TEF: variants seen among roughly 807,000 people sequenced by gnomAD.
The protein encoded by TEF is TEF transcription factor, PAR bZIP family member, also known as thyrotroph embryonic factor.
TEF carries 3 observed loss-of-function variants against 20.8 expected under a neutral mutation model. The ratio of observed to expected loss-of-function variants is 0.14; its 90% CI spans 0.07 to 0.37. The LOEUF is 0.37. Ranked by LOEUF, TEF falls within the 10% of genes least tolerant of loss-of-function variation. The probability of loss-of-function intolerance (pLI) is 1.00; values close to 1 mark genes in which losing one functional copy is unlikely to be tolerated. For missense variants in TEF, 296 were observed against 397.9 expected, an observed-to-expected ratio of 0.74 and a Z score of 2.18; for synonymous variants, 180 against 171.1, an observed-to-expected ratio of 1.05 and a Z score of -0.41.
intron 2 of TEF, among the ~76,000 whole-genome samples, 162 bp from the exon 3 acceptor site, chr22:41,393,934 G>A (rs767242700): frequency 3.3e-5 from 5 of 152,110 alleles, no homozygotes; most frequent in Admixed American, 3.3e-4. Flanking sequence ...GAATTGAACC[G>A]TGTGCCAGTC....
chr22:41,379,060 G>T (rs1020974257), upstream of TEF, among the ~76,000 whole-genome samples: 1 of 152,214 alleles, frequency 6.6e-6, no homozygotes, highest in Non-Finnish European at 1.5e-5. Context: ...CGTAAGGTAG[G>T]CCAGGCGCGG....
At chr22:41,382,249 A>T (rs1257652729) in intron 1 of TEF, 48 bp downstream of exon 1, 72 of 132,184 alleles carry the variant, frequency 5.4e-4, no homozygotes, top group South Asian at 6.7e-4. Flanking sequence ...GGGCTTATAC[A>T]GGGGCGGGGC....
chr22:41,392,365 T>C (rs1195048904), intron 2 of TEF, among the ~76,000 whole-genome samples: 1 of 152,118 alleles, frequency 6.6e-6, no homozygotes, highest in Non-Finnish European at 1.5e-5. Context: ...TTTCTTCATC[T>C]GTAAACTAGT....
At chr22:41,372,073 C>T (rs775162781) in intron 1 of TEF, among the ~76,000 whole-genome samples, 31 of 152,114 alleles carry the variant, frequency 2.0e-4, no homozygotes, top group Non-Finnish European at 4.3e-4. Flanking sequence ...CTTTCAGGGA[C>T]GAGGATGGGG....
At chr22:41,378,810 T>G (rs1411928882), upstream of TEF, among the ~76,000 whole-genome samples, 1 of 152,156 alleles carries the variant, frequency 6.6e-6, no homozygotes, top group African/African-American at 2.4e-5. Context: ...ATGTCCTTTG[T>G]CTAGGTTAGC....
At chr22:41,390,699 G>T (rs550960997) in intron 2 of TEF, among the ~76,000 whole-genome samples, 66 of 151,712 alleles carry the variant, frequency 4.4e-4, no homozygotes, top group African/African-American at 1.5e-3. Flanking sequence ...GGGTTTCACC[G>T]TGTTGGCCAG....
intron 2 of TEF, among the ~76,000 whole-genome samples, chr22:41,390,495 CTTTTTTTTTTTTT>C (rs11358311): frequency 8.7e-5 from 7 of 80,362 alleles, no homozygotes; most frequent in South Asian, 1.1e-3. Context: ...TCATTGTCAT[CTTTTTTTTTTTTT>C]TTTTTTTTTT....
intron 3 of TEF, 111 bp from the exon 4 acceptor site, chr22:41,395,634 T>C (rs1003806050): frequency 1.8e-6 from 2 of 1,102,662 alleles, no homozygotes; most frequent in Admixed American, 2.1e-5. Flanking sequence ...GTATCCCTGC[T>C]TTAGCTCTGG....
chr22:41,387,415 C>T lies in TEF; in HGVS notation c.222C>T (p.Val74=), dbSNP rs746491484. The change falls in exon 2 of 4, where the codon GTC becomes GTT. Residue 74 remains valine, a synonymous_variant. Coordinates refer to ENST00000266304, the MANE Select transcript of TEF (RefSeq NM_003216.4). ...CCGCAGCCGCCAGCACCATGGCTGT[C>T]TCAGCCTCCCTCATGCCACCCATCT... ...DEAAAASTMA[V]SASLMPPIWD... The T allele has an allele frequency of 6.2e-7, 1 of 1,614,250 alleles. No individual in the cohort carries two copies. The highest frequency in any genetic ancestry group is 1.7e-5 in the Admixed American group (1 of 60,028).
intron 2 of TEF, among the ~76,000 whole-genome samples, chr22:41,392,892 C>A (rs2037184967): frequency 6.6e-6 from 1 of 151,896 alleles, no homozygotes. Flanking sequence ...CAAAAACTAG[C>A]CAGGCGTGGT....
At chr22:41,377,867 T>A (rs1237251512), upstream of TEF, among the ~76,000 whole-genome samples, 1 of 152,168 alleles carries the variant, frequency 6.6e-6, no homozygotes. Context: ...CACTTGCCTG[T>A]TAGGGTAGCT....
Position 41,397,723 on chromosome 22 carries a change from A to G in TEF, c.*1763A>G, listed in dbSNP as rs1293280715. ...AAAACCATGTACACACTTTCACTCT[A>G]TTGTAACCACACAGGGCAGGCGCAT... On this transcript the variant is annotated 3_prime_UTR_variant, in exon 4 of 4. Transcript: ENST00000266304. 3 of 152,048 alleles carry G rather than the reference A, an allele frequency of 2.0e-5. No homozygotes were observed. Among genetic ancestry groups the G allele is most frequent in the South Asian group, 4.1e-4 (2 of 4,834 alleles). The allele number at this position is 152,048 out of a possible 1,614,324, so 9.4% of individuals were successfully genotyped here. A position where few individuals can be genotyped will look rare whatever the true frequency, so the allele number is the denominator to read the frequency against.
At chr22:41,390,114 C>T (rs1272882694) in intron 2 of TEF, among the ~76,000 whole-genome samples, 2 of 152,166 alleles carry the variant, frequency 1.3e-5, no homozygotes, top group Non-Finnish European at 2.9e-5. Flanking sequence ...TGGTCTCAAA[C>T]TCCTGACCTC....
intron 3 of TEF, among the ~76,000 whole-genome samples, chr22:41,394,931 A>G (rs2037209314): frequency 6.6e-6 from 1 of 152,134 alleles, no homozygotes; most frequent in Admixed American, 6.5e-5. Context: ...AGACTTTAAT[A>G]ATGATGTGAT....
At chr22:41,374,515 G>A (rs1377814431) in intron 1 of TEF, among the ~76,000 whole-genome samples, 1 of 151,070 alleles carries the variant, frequency 6.6e-6, no homozygotes, top group Non-Finnish European at 1.5e-5. Context: ...TCGCGCCACT[G>A]CACTCCAGCC....
chr22:41,391,331 C>CT lies in TEF; in HGVS notation c.476-2751dup, dbSNP rs566421536. 4.4e-3 allele frequency among the ~76,000 whole-genome samples: 624 copies of CT among 142,268 alleles called. 6 individuals carry two copies. The highest frequency in any genetic ancestry group is 5.1e-3 in the Non-Finnish European group (333 of 65,070). The allele number at this position is 142,268 out of a possible 152,430, so 93.3% of individuals were successfully genotyped here. ...CCTATGCATTGCAGGATCTTCTTTT[C>CT]TTTTTTTTTTTTTTAAGACAGTCTT... On this transcript the variant is annotated intron_variant, in intron 2 of 3. Transcript: ENST00000266304.
chr22:41,381,293 TCCCTCCCTTC>T (rs1184236697), upstream of TEF, among the ~76,000 whole-genome samples: 7 of 151,482 alleles, frequency 4.6e-5, no homozygotes, highest in Admixed American at 6.6e-5. Flanking sequence ...AAAAGACCCG[TCCCTCCCTTC>T]CCCTCCCGCC....
chr22:41,367,809 A>T (rs2145955580), intron 1 of TEF, among the ~76,000 whole-genome samples: 1 of 152,106 alleles, frequency 6.6e-6, no homozygotes, highest in African/African-American at 2.4e-5. Context: ...GGCCTGCTGG[A>T]TTTGGGGAAG....
At chr22:41,393,987 C>T (rs1273746388) in intron 2 of TEF, 109 bp from the exon 3 acceptor site, 16 of 929,298 alleles carry the variant, frequency 1.7e-5, no homozygotes, top group Admixed American at 2.5e-5. Context: ...TCTCCCCAGG[C>T]GGCAGTGGCT....
Sources: gnomAD v4.1 joint callset for allele counts (sites outside exome capture counted in the v4.1 genomes callset) on GRCh38, gnomAD v4.1.1 for gene constraint, MANE v1.5 for transcripts, NCBI Gene and HGNC (gene_info 2026-07-23, HGNC 2026-07-21) for gene names.